Variants in LRP2 observed in about 807,000 individuals in gnomAD.
LRP2 encodes the protein low-density lipoprotein receptor-related protein 2.
Under a neutral mutation model 531.0 loss-of-function variants are expected in LRP2, and 172 were observed. The observed-to-expected ratio is 0.32, with a 90% CI of 0.29 to 0.37. The LOEUF (loss-of-function observed/expected upper bound fraction) is 0.37, where lower values mean the gene tolerates loss of function less well. Among genes scored for constraint, LRP2 ranks in the 10% least tolerant of loss-of-function variants. LRP2 has a pLI of 1.00. For missense variants in LRP2, 5,167 were observed against 5,868.3 expected, an observed-to-expected ratio of 0.88 and a Z score of 3.90; for synonymous variants, 1,992 against 2,027.6, an observed-to-expected ratio of 0.98 and a Z score of 0.47.
At chr2:169,153,663 A>G (rs780224895) in intron 66 of LRP2, among the ~76,000 whole-genome samples, 8 of 152,116 alleles carry the variant, frequency 5.3e-5, no homozygotes, top group Non-Finnish European at 8.8e-5. Context: ...GATTTTGTAG[A>G]AAAAAAATTG....
At chr2:169,328,442 A>G (rs1251230424) in intron 1 of LRP2, among the ~76,000 whole-genome samples, 16 of 97,302 alleles carry the variant, frequency 1.6e-4, no homozygotes, top group Non-Finnish European at 2.0e-5. Flanking sequence ...GGGCCGGGAT[A>G]AAAAAAAAAA....
chr2:169,207,401 T>C (rs1370249965), intron 38 of LRP2, 151 bp from the exon 39 acceptor site: 1 of 655,600 alleles, frequency 1.5e-6, no homozygotes, highest in Non-Finnish European at 2.7e-6. Flanking sequence ...AGTCTAGGCT[T>C]AGAAAAATAA....
chr2:169,356,173 A>C (rs909124230), intron 1 of LRP2, among the ~76,000 whole-genome samples: 1 of 152,226 alleles, frequency 6.6e-6, no homozygotes, highest in African/African-American at 2.4e-5. Context: ...ATTTATAGGC[A>C]TGAGCCACCA....
Position 169,170,676 on chromosome 2 carries a change from G to T in LRP2, c.11264-9C>A. The T allele has an allele frequency of 6.3e-7, 1 of 1,587,332 alleles. No homozygotes were observed. The highest frequency in any genetic ancestry group is 8.7e-7 in the Non-Finnish European group (1 of 1,155,606). On this transcript the variant is annotated splice_polypyrimidine_tract_variant and intron_variant, in intron 58 of 78. Coordinates refer to ENST00000649046, the MANE Select transcript of LRP2 (RefSeq NM_004525.3). ...TGTGCACTCCCGGGGAGCTGGAAAGGAAAGGCACCTGGCCATGAGTGTGCA... is the reference window on the plus strand; with the variant it reads ...TGTGCACTCCCGGGGAGCTGGAAAGTAAAGGCACCTGGCCATGAGTGTGCA...
chr2:169,296,147 CT>C (rs539644325), intron 4 of LRP2, among the ~76,000 whole-genome samples: 1 of 151,748 alleles, frequency 6.6e-6, no homozygotes, highest in East Asian at 1.9e-4. Context: ...CTCCAATGAT[CT>C]TTTTTTTGGT....
At chr2:169,309,767 A>G (rs896079082) in intron 3 of LRP2, among the ~76,000 whole-genome samples, 1 of 152,190 alleles carries the variant, frequency 6.6e-6, no homozygotes, top group African/African-American at 2.4e-5. Flanking sequence ...GAAGAAAGTC[A>G]TTGGTAGCTT....
intron 9 of LRP2, among the ~76,000 whole-genome samples, chr2:169,288,247 G>A (rs1036451608): frequency 3.3e-5 from 5 of 152,178 alleles, no homozygotes; most frequent in Non-Finnish European, 5.9e-5. Context: ...ATGATAGTTG[G>A]TCAAGTCTAA....
intron 67 of LRP2, 140 bp from the exon 68 acceptor site, chr2:169,151,166 T>C (rs991531027): frequency 3.5e-4 from 311 of 894,634 alleles, no homozygotes; most frequent in Non-Finnish European, 5.0e-4. Flanking sequence ...AGTCCCCCTC[T>C]CTTGGGGGAA....
chr2:169,210,730 T>C (rs557754919), intron 37 of LRP2, among the ~76,000 whole-genome samples: 2 of 152,340 alleles, frequency 1.3e-5, no homozygotes, highest in Non-Finnish European at 2.9e-5. Context: ...ACAAAACAGC[T>C]ATATATAAAA....
rs577059306 is a variant in LRP2 at position 169,139,720 on chromosome 2, T to C, written c.13200-110A>G. On this transcript the variant is annotated intron_variant, in intron 72 of 78. Coordinates refer to ENST00000649046, the MANE Select transcript of LRP2 (RefSeq NM_004525.3). The stretch of plus-strand genomic sequence containing the variant: ...GAGCTTTGACTGCATAAATTACATG[T>C]TGAACAGACAATGTATCCTGCATGA... 695 of 914,534 alleles carry C rather than the reference T, an allele frequency of 7.6e-4. 10 individuals carry two copies. Among genetic ancestry groups the C allele is most frequent in the South Asian group, 7.0e-3 (538 of 76,320 alleles). The allele number at this position is 914,534 out of a possible 1,614,324, so 56.7% of individuals were successfully genotyped here. A position where few individuals can be genotyped will look rare whatever the true frequency, so the allele number is the denominator to read the frequency against.
chr2:169,133,968 C>G lies in LRP2; in HGVS notation c.13621-1287G>C, dbSNP rs559615278. On this transcript the variant is annotated intron_variant, in intron 76 of 78. Transcript: ENST00000649046. ...CCCAAATTTCATCCTCATCTGTTAC[C>G]TATTTCGGCATAATTCTCATAAAAA... Among the ~76,000 whole-genome samples the G allele has an allele frequency of 5.9e-5, 9 of 152,290 alleles. No homozygotes were observed. In the South Asian group the frequency reaches 1.7e-3, roughly 28 times the overall value.
At chr2:169,222,242 A>G (rs572932391) in intron 33 of LRP2, among the ~76,000 whole-genome samples, 23 of 152,266 alleles carry the variant, frequency 1.5e-4, no homozygotes, top group African/African-American at 4.6e-4. Flanking sequence ...TGGATTTTCT[A>G]AAAATATTGA....
chr2:169,247,397 A>G lies in LRP2; in HGVS notation c.2889T>C (p.Tyr963=), dbSNP rs757239510. 6.2e-7 allele frequency: 1 copy of G among 1,614,174 alleles called. No individual in the cohort carries two copies. The change falls in exon 20 of 79, where the codon TAT becomes TAC. Residue 963 remains tyrosine, a synonymous_variant. Transcript: ENST00000649046. ...GIAYILHLKS[Y]DVNIQTGSNA... Reference sequence around the variant, plus strand: ...ACTCACCAGTCTGGATGTTGACATCATACGATTTCAAATGCAGTATGTAAG... The same window carrying G: ...ACTCACCAGTCTGGATGTTGACATCGTACGATTTCAAATGCAGTATGTAAG...
intron 34 of LRP2, among the ~76,000 whole-genome samples, chr2:169,217,542 C>T (rs920092043): frequency 6.6e-6 from 1 of 152,070 alleles, no homozygotes; most frequent in African/African-American, 2.4e-5. Flanking sequence ...CTTTTGGGTT[C>T]CCATTGTGTC....
intron 4 of LRP2, among the ~76,000 whole-genome samples, chr2:169,295,084 T>C (rs2105473691): frequency 6.6e-6 from 1 of 152,336 alleles, no homozygotes; most frequent in South Asian, 2.1e-4. Flanking sequence ...CAAACATTCT[T>C]TTACATGATA....
intron 1 of LRP2, among the ~76,000 whole-genome samples, chr2:169,323,750 A>C (rs953995361): frequency 2.6e-5 from 4 of 152,202 alleles, no homozygotes; most frequent in Non-Finnish European, 5.9e-5. Flanking sequence ...AAACTGCCAC[A>C]TTCAACCAAT....
chr2:169,206,773 A>G lies in LRP2; in HGVS notation c.6947T>C (p.Ile2316Thr), dbSNP rs2105333343. ...EPENTEPPTVIRDNINWLRDV... is the reference protein window; with the variant it reads ...EPENTEPPTVTRDNINWLRDV... ...TCTTAGCCAGTTGATATTGTCTCTT[A>G]TCACTGTGGGTGGCTCTGTGTTCTC... Residue 2316 changes from isoleucine to threonine, a missense_variant, in exon 39 of 79, where the codon ATA becomes ACA. Physicochemically the swap from Ile to Thr is moderately conservative, Grantham distance 89 (BLOSUM62 -1). Transcript: ENST00000649046. 3.7e-6 allele frequency: 6 copies of G among 1,614,136 alleles called. No individual in the cohort carries two copies. The highest frequency in any genetic ancestry group is 1.3e-5 in the African/African-American group (1 of 75,032).
intron 9 of LRP2, among the ~76,000 whole-genome samples, chr2:169,284,321 G>C (rs1574219376): frequency 7.8e-6 from 1 of 128,582 alleles, no homozygotes. Flanking sequence ...CTGGAGTGCA[G>C]TGGCACAGTC....
chr2:169,244,762 A>G lies in LRP2; in HGVS notation c.3361T>C (p.Cys1121Arg). Residue 1121 changes from cysteine to arginine, a missense_variant, in exon 22 of 79, where the codon TGT (cysteine) becomes CGT (arginine). This residue lies in a region of LRP2 where 2,811 missense variants were observed against 3,058.0 expected (regional missense o/e 0.92). Coordinates refer to ENST00000649046, the MANE Select transcript of LRP2 (RefSeq NM_004525.3). ...DTQYTCDNHQ[C>R]ISKNWVCDTD... Reference sequence around the variant, plus strand: ...TCACAGACCCAGTTCTTTGAGATACACTGGTGATTATCACAGGTGTATTGG... The same window carrying G: ...TCACAGACCCAGTTCTTTGAGATACGCTGGTGATTATCACAGGTGTATTGG... 1 of 1,614,240 alleles carries G rather than the reference A, an allele frequency of 6.2e-7. No homozygotes were observed. The highest frequency in any genetic ancestry group is 8.5e-7 in the Non-Finnish European group (1 of 1,180,042).
Sources: allele counts gnomAD v4.1 joint callset (sites outside exome capture counted in the v4.1 genomes callset), GRCh38; gene constraint gnomAD v4.1.1; regional missense constraint gnomAD v4.1.1; transcripts MANE v1.5; gene names NCBI Gene and HGNC (gene_info 2026-07-23, HGNC 2026-07-21).